Variants in GPC6 observed in about 807,000 individuals in gnomAD.
GPC6 encodes the protein glypican 6.
A neutral mutation model predicts 55.2 loss-of-function variants in GPC6; 14 were observed. That is an observed-to-expected ratio of 0.25 (90% CI 0.17 to 0.40). The LOEUF is 0.40. Ranked by LOEUF, GPC6 falls within the 10% of genes least tolerant of loss-of-function variation. GPC6 has a pLI of 1.00. For synonymous variants in GPC6, 278 were observed against 259.6 expected (o/e 1.07, Z -0.68); for missense variants, 641 against 708.5 (o/e 0.90, Z 1.08).
chr13:93,946,027 A>G (rs1443905593), intron 3 of GPC6, among the ~76,000 whole-genome samples: 1 of 152,174 alleles, frequency 6.6e-6, no homozygotes, highest in East Asian at 1.9e-4. Context: ...TAATAACAAA[A>G]TTTCCATCAT....
At chr13:93,508,508 C>G (rs1309684732) in intron 1 of GPC6, among the ~76,000 whole-genome samples, 2 of 152,262 alleles carry the variant, frequency 1.3e-5, no homozygotes, top group East Asian at 3.9e-4. Context: ...TCTTGGGCCA[C>G]AAAGGCTGGA....
At chr13:93,859,657 T>C (rs1264470949) in intron 3 of GPC6, among the ~76,000 whole-genome samples, 1 of 151,064 alleles carries the variant, frequency 6.6e-6, no homozygotes, top group Non-Finnish European at 1.5e-5. Flanking sequence ...ACATATCTTT[T>C]TTGGGGAGAG....
At chr13:93,630,570 G>A (rs1312396732) in intron 2 of GPC6, among the ~76,000 whole-genome samples, 1 of 152,030 alleles carries the variant, frequency 6.6e-6, no homozygotes, top group East Asian at 1.9e-4. Flanking sequence ...AGTTCTTCAG[G>A]AGCCAATCCT....
chr13:93,225,508 GT>G (rs66479937), upstream of GPC6, among the ~76,000 whole-genome samples: 142,942 of 151,140 alleles, frequency 0.95, 67,853 homozygotes, highest in Non-Finnish European at 1. Flanking sequence ...GTTTTGTTTT[GT>G]TTTTTTTTTT....
At chr13:93,551,721 C>T (rs1049941169) in intron 2 of GPC6, among the ~76,000 whole-genome samples, 5 of 152,138 alleles carry the variant, frequency 3.3e-5, no homozygotes, top group African/African-American at 9.7e-5. Flanking sequence ...GTATCATAAT[C>T]TACCATAGTC....
chr13:93,459,346 G>A (rs1297991691), intron 1 of GPC6, among the ~76,000 whole-genome samples: 2 of 152,214 alleles, frequency 1.3e-5, no homozygotes, highest in African/African-American at 2.4e-5. Context: ...GATTATAGGC[G>A]TGAGCCAACA....
At chr13:94,034,252 A>AGG (rs755363309) in intron 4 of GPC6, among the ~76,000 whole-genome samples, 1 of 57,070 alleles carries the variant, frequency 1.8e-5, no homozygotes, top group Non-Finnish European at 4.9e-5. Context: ...AAGGAAGGAA[A>AGG]GAAAGAAAGA....
chr13:94,199,093 A>G (rs1314131644), intron 4 of GPC6, among the ~76,000 whole-genome samples: 3 of 152,202 alleles, frequency 2.0e-5, no homozygotes, highest in Non-Finnish European at 4.4e-5. Flanking sequence ...GCTTGTTGAA[A>G]AGCCTTTGTG....
chr13:94,173,034 GAAAA>G (rs1352088622), intron 4 of GPC6, among the ~76,000 whole-genome samples: 2 of 152,162 alleles, frequency 1.3e-5, no homozygotes, highest in East Asian at 3.9e-4. Flanking sequence ...GTGTTGACTA[GAAAA>G]ACAAATTCTG....
intron 4 of GPC6, among the ~76,000 whole-genome samples, chr13:94,235,321 G>A (rs1230752190): frequency 6.6e-6 from 1 of 152,066 alleles, no homozygotes; most frequent in Non-Finnish European, 1.5e-5. Flanking sequence ...GTCTCTCACA[G>A]TTCAACAGGA....
chr13:94,360,029 C>A (rs1231136367), intron 6 of GPC6, among the ~76,000 whole-genome samples: 1 of 152,132 alleles, frequency 6.6e-6, no homozygotes, highest in Non-Finnish European at 1.5e-5. Flanking sequence ...AGATACAGAC[C>A]ATTAAATATG....
At chr13:94,011,132 C>T (rs1882229507) in intron 3 of GPC6, among the ~76,000 whole-genome samples, 1 of 152,066 alleles carries the variant, frequency 6.6e-6, no homozygotes, top group Non-Finnish European at 1.5e-5. Flanking sequence ...ACATCAGTGC[C>T]ATGGAATTCA....
intron 1 of GPC6, among the ~76,000 whole-genome samples, chr13:93,399,923 G>C (rs184075184): frequency 5.3e-5 from 8 of 152,196 alleles, no homozygotes; most frequent in African/African-American, 1.4e-4. Context: ...CTAGAACTTA[G>C]GGAGTTTCAG....
At chr13:93,429,937 G>A (rs937071709) in intron 1 of GPC6, among the ~76,000 whole-genome samples, 4 of 152,076 alleles carry the variant, frequency 2.6e-5, no homozygotes, top group African/African-American at 7.2e-5. Flanking sequence ...TCAGACTTAC[G>A]ATTTGACCAA....
At chr13:93,231,776 T>G (rs1339460563) in intron 1 of GPC6, among the ~76,000 whole-genome samples, 3 of 152,072 alleles carry the variant, frequency 2.0e-5, no homozygotes, top group Non-Finnish European at 2.9e-5. Flanking sequence ...GTAAGAACAT[T>G]TATCTCCACA....
intron 4 of GPC6, among the ~76,000 whole-genome samples, chr13:94,252,958 GAAA>G (rs3043533): frequency 0.23 from 31,933 of 138,986 alleles, 3,822 homozygotes; most frequent in East Asian, 0.38. Context: ...GAATAAAAAA[GAAA>G]AAAAAAAAAA....
At chr13:93,737,391 A>G (rs1006196360) in intron 2 of GPC6, among the ~76,000 whole-genome samples, 18 of 152,302 alleles carry the variant, frequency 1.2e-4, no homozygotes, top group South Asian at 2.1e-4. Context: ...GAAGTACATT[A>G]AAGATAGATA....
intron 1 of GPC6, among the ~76,000 whole-genome samples, chr13:93,392,488 A>T (rs1223613869): frequency 6.6e-6 from 1 of 152,210 alleles, no homozygotes; most frequent in Non-Finnish European, 1.5e-5. Context: ...ACTCTAGCTA[A>T]TAGATCTCCT....
chr13:93,688,843 G>A (rs9561428), intron 2 of GPC6, among the ~76,000 whole-genome samples: 7,275 of 151,976 alleles, frequency 0.048, 357 homozygotes, highest in East Asian at 0.27. Flanking sequence ...GAAGTAGATA[G>A]AAGTGATGGT....
Sources: allele counts gnomAD v4.1 joint callset (sites outside exome capture counted in the v4.1 genomes callset), GRCh38; gene constraint gnomAD v4.1.1; transcripts MANE v1.5; gene names NCBI Gene and HGNC (gene_info 2026-07-23, HGNC 2026-07-21).